CREBRF: variants seen among roughly 807,000 people sequenced by gnomAD.
CREBRF encodes UPF0474 protein C5orf41.
Under a neutral mutation model 66.1 loss-of-function variants are expected in CREBRF, and 5 were observed. The observed-to-expected ratio is 0.08, with a 90% CI of 0.04 to 0.16. The LOEUF is 0.16. Ranked by LOEUF, CREBRF falls within the 10% of genes least tolerant of loss-of-function variation. The probability of loss-of-function intolerance (pLI) is 1.00; values close to 1 mark genes in which losing one functional copy is unlikely to be tolerated. For synonymous variants in CREBRF, 229 were observed against 264.4 expected (o/e 0.87, Z 1.30); for missense variants, 531 against 744.9 (o/e 0.71, Z 3.34).
intron 2 of CREBRF, among the ~76,000 whole-genome samples, chr5:173,082,333 T>C (rs1332357581): frequency 7.0e-6 from 1 of 142,202 alleles, no homozygotes; most frequent in Non-Finnish European, 1.6e-5. Flanking sequence ...TTTATATTTA[T>C]TGAGTACTTG....
intron 4 of CREBRF, among the ~76,000 whole-genome samples, chr5:173,097,144 C>T (rs1490558108): frequency 6.6e-6 from 1 of 152,176 alleles, no homozygotes; most frequent in African/African-American, 2.4e-5. Flanking sequence ...GTTCTCTCCT[C>T]TACATTTCTT....
At chr5:173,119,998 G>A (rs1402777785) in intron 7 of CREBRF, among the ~76,000 whole-genome samples, 1 of 151,718 alleles carries the variant, frequency 6.6e-6, no homozygotes, top group South Asian at 2.1e-4. Context: ...TTTTTATATT[G>A]GAATCTATTG....
chr5:173,058,478 C>G (rs1212810914), intron 1 of CREBRF, among the ~76,000 whole-genome samples: 1 of 150,792 alleles, frequency 6.6e-6, no homozygotes, highest in Non-Finnish European at 1.5e-5. Context: ...ACTGATTCAT[C>G]AATTTTTTTT....
At chr5:173,111,517 G>A (rs1357312092) in intron 6 of CREBRF, among the ~76,000 whole-genome samples, 1 of 152,192 alleles carries the variant, frequency 6.6e-6, no homozygotes, top group Non-Finnish European at 1.5e-5. Flanking sequence ...GAGCCAGTGC[G>A]CCCAGCTGAA....
At chr5:173,110,861 G>A in intron 6 of CREBRF, 150 bp downstream of exon 6, 1 of 628,206 alleles carries the variant, frequency 1.6e-6, no homozygotes, top group South Asian at 3.4e-5. Flanking sequence ...TTTGAAAGTA[G>A]AAGACGGTAT....
In CREBRF at chr5:173,138,739, G is replaced by C. The variant is rs957741468; in HGVS notation, c.*4994G>C. On this transcript the variant is annotated 3_prime_UTR_variant, in exon 9 of 9. Coordinates refer to ENST00000296953, the MANE Select transcript of CREBRF (RefSeq NM_153607.3). ...TTTCAGAACCAAATAACAGAAATGT[G>C]TATGTGTGTACTGTATCTGCCTTTC... The C allele has an allele frequency of 6.6e-6, 1 of 152,168 alleles. No homozygotes were observed. The highest frequency in any genetic ancestry group is 1.5e-5 in the Non-Finnish European group (1 of 68,048). The allele number at this position is 152,168 out of a possible 1,614,324, so 9.4% of individuals were successfully genotyped here. A position where few individuals can be genotyped will look rare whatever the true frequency, so the allele number is the denominator to read the frequency against.
intron 1 of CREBRF, among the ~76,000 whole-genome samples, chr5:173,064,796 C>G (rs2113663895): frequency 6.6e-6 from 1 of 151,998 alleles, no homozygotes; most frequent in Middle Eastern, 3.4e-3. Context: ...ACTCCCCACC[C>G]CAGGTGATCT....
chr5:173,085,365 C>T (rs572235945), intron 2 of CREBRF: 13 of 1,258,752 alleles, frequency 1.0e-5, no homozygotes, highest in East Asian at 7.0e-5. Flanking sequence ...GGCTCTTCTT[C>T]GATCCTGGAG....
intron 7 of CREBRF, among the ~76,000 whole-genome samples, chr5:173,118,469 G>A (rs777126128): frequency 1.7e-4 from 25 of 151,114 alleles, no homozygotes; most frequent in Non-Finnish European, 2.8e-4. Flanking sequence ...TAGCATTTAC[G>A]TAGTTTTAGG....
In CREBRF at chr5:173,108,573, T is replaced by C. The variant is rs758971295; in HGVS notation, c.1223-51T>C. On this transcript the variant is annotated intron_variant, in intron 4 of 8. Coordinates refer to ENST00000296953, the MANE Select transcript of CREBRF (RefSeq NM_153607.3). ...GAAGGGGTCTTTTCATTTGTTCTGA[T>C]TGATTTATTGAAATTTATGGAGCTT... is the stretch of plus-strand genomic sequence containing the variant. 6.7e-6 allele frequency: 10 copies of C among 1,492,570 alleles called. No individual in the cohort carries two copies. The African/African-American group carries it at 8.5e-5, about 13-fold the overall frequency. 92.5% of individuals were successfully genotyped at this position (1,492,570 alleles called of 1,614,324 possible). A position where few individuals can be genotyped will look rare whatever the true frequency, so the allele number is the denominator to read the frequency against.
intron 3 of CREBRF, among the ~76,000 whole-genome samples, chr5:173,088,503 A>AG (rs927200141): frequency 1.3e-5 from 2 of 151,202 alleles, no homozygotes; most frequent in African/African-American, 4.9e-5. Context: ...AAAAAAAAAA[A>AG]AAAATGAATG....
At chr5:173,058,935 A>C (rs528913251) in intron 1 of CREBRF, among the ~76,000 whole-genome samples, 1 of 151,344 alleles carries the variant, frequency 6.6e-6, no homozygotes, top group South Asian at 2.1e-4. Context: ...AGCTGCGACT[A>C]CAGGCGCGTG....
Position 173,075,940 on chromosome 5 carries a change from G to A in CREBRF, c.-191-4645G>A, listed in dbSNP as rs189591797. On this transcript the variant is annotated intron_variant, in intron 1 of 8. Coordinates refer to ENST00000296953, the MANE Select transcript of CREBRF (RefSeq NM_153607.3). Reference sequence around the variant, plus strand: ...TAATTTTAAAGAAAAGAGATTTATCGCTGGGCGTGGTGGCTTATGCTTCAA... The same window carrying A: ...TAATTTTAAAGAAAAGAGATTTATCACTGGGCGTGGTGGCTTATGCTTCAA... Among the ~76,000 whole-genome samples the A allele has an allele frequency of 1.1e-3, 160 of 151,798 alleles. 2 individuals are homozygous for A. In the South Asian group the frequency reaches 0.015, roughly 14 times the overall value.
intron 1 of CREBRF, among the ~76,000 whole-genome samples, chr5:173,079,302 A>C (rs1299419880): frequency 6.6e-6 from 1 of 151,980 alleles, no homozygotes; most frequent in Non-Finnish European, 1.5e-5. Flanking sequence ...AATTAAGTAG[A>C]ACAATGATTG....
rs1758152553 is a variant in CREBRF, at chr5:173,086,492, CTG to C, written c.10-7_10-6del. 1.9e-6 allele frequency: 3 copies of C among 1,609,558 alleles called. No homozygotes were observed. Among genetic ancestry groups the C allele is most frequent in the Non-Finnish European group, 2.5e-6 (3 of 1,178,844 alleles). ...TTAACTTTCTAAAATAAAAATCACT[CTG>C]TTGTAGCCTAGTGTAAGCGGAATGG... On this transcript the variant is annotated splice_polypyrimidine_tract_variant and splice_region_variant and intron_variant, in intron 2 of 8. Coordinates refer to ENST00000296953, the MANE Select transcript of CREBRF (RefSeq NM_153607.3).
In CREBRF at chr5:173,107,737, G is replaced by A. The variant is rs184512206; in HGVS notation, c.1223-887G>A. 1.3e-4 allele frequency among the ~76,000 whole-genome samples: 20 copies of A among 152,232 alleles called. 1 individual carries two copies. Among genetic ancestry groups the A allele is most frequent in the African/African-American group, 4.1e-4 (17 of 41,540 alleles). On this transcript the variant is annotated intron_variant, in intron 4 of 8. Coordinates refer to ENST00000296953, the MANE Select transcript of CREBRF (RefSeq NM_153607.3). ...TGCCTGTAATCCCAGCACTTTCAGA[G>A]GCTGAGGCCAGAGGACTGCTTGTGA...
At chr5:173,114,712 C>T (rs1336223342) in intron 7 of CREBRF, among the ~76,000 whole-genome samples, 6 of 152,226 alleles carry the variant, frequency 3.9e-5, no homozygotes, top group Non-Finnish European at 8.8e-5. Flanking sequence ...AAACTTCCTT[C>T]TATTGATTCC....
chr5:173,056,957 C>T lies in CREBRF; in HGVS notation c.-192+478C>T, dbSNP rs1265445825. Among the ~76,000 whole-genome samples, 6 of 149,470 alleles carry T rather than the reference C, an allele frequency of 4.0e-5. 1 individual carries two copies. The East Asian group carries it at 1.2e-3, about 30-fold the overall frequency. ...GAGAGAGGGGCGTGTGAGGAAGGGC[C>T]GGGGCCGCGGAGGTTGGAGCCAGGC... On this transcript the variant is annotated intron_variant, in intron 1 of 8. Transcript: ENST00000296953.
chr5:173,117,127 T>A (rs1410931724), intron 7 of CREBRF, among the ~76,000 whole-genome samples: 4 of 152,124 alleles, frequency 2.6e-5, no homozygotes, highest in Non-Finnish European at 5.9e-5. Context: ...ACCTGTAATC[T>A]TAGCACTTTG....
Sources: gnomAD v4.1 joint callset for allele counts (sites outside exome capture counted in the v4.1 genomes callset) on GRCh38, gnomAD v4.1.1 for gene constraint, MANE v1.5 for transcripts, NCBI Gene and HGNC (gene_info 2026-07-23, HGNC 2026-07-21) for gene names.